PDE9A: variants seen among roughly 807,000 people sequenced by gnomAD.
The protein encoded by PDE9A is phosphodiesterase 9A.
PDE9A carries 60 observed loss-of-function variants against 87.4 expected under a neutral mutation model. The ratio of observed to expected loss-of-function variants is 0.69; its 90% CI spans 0.56 to 0.85. The LOEUF is 0.85. Ranked by LOEUF, PDE9A falls within the 40% of genes least tolerant of loss-of-function variation. The pLI, the probability that PDE9A is intolerant of heterozygous loss-of-function variation, is 0.00. For missense variants in PDE9A, 665 were observed against 779.0 expected (o/e 0.85, Z 1.74); for synonymous variants, 272 against 279.4 (o/e 0.97, Z 0.27).
chr21:42,658,189 G>T (rs1179144526), intron 1 of PDE9A, among the ~76,000 whole-genome samples: 2 of 152,166 alleles, frequency 1.3e-5, no homozygotes, highest in Non-Finnish European at 2.9e-5. Flanking sequence ...CCTGGTCCTG[G>T]CACCCAAGGC....
chr21:42,770,725 T>C lies in PDE9A; in HGVS notation c.1613T>C (p.Ile538Thr). 6.2e-7 allele frequency: 1 copy of C among 1,613,912 alleles called. No homozygotes were observed. Residue 538 changes from isoleucine (I) to threonine (T), a missense_variant, in exon 18 of 20, where the codon ATC (isoleucine) becomes ACC (threonine). By Grantham distance (89) the Ile-to-Thr change is moderately conservative. Coordinates refer to ENST00000291539, the MANE Select transcript of PDE9A (RefSeq NM_002606.3). ...CAGCTCTTCCCCATGGTTGAGGAGA[T>C]CATGCTGCAGCCACTTTGGGAATCC... ...VTKLFPMVEE[I>T]MLQPLWESRD...
chr21:42,759,035 G>A lies in PDE9A; in HGVS notation c.847G>A (p.Gly283Arg), dbSNP rs143538403. Residue 283 changes from glycine (G) to arginine (R), a missense_variant, in exon 11 of 20, where the codon GGG becomes AGG. Coordinates refer to ENST00000291539, the MANE Select transcript of PDE9A (RefSeq NM_002606.3). This position sits in a 1 kb window ranked among gnomAD's most constrained non-coding sequence, Gnocchi z 7.2. ...CCTGGAGCACATGTACCACGACCTC[G>A]GGCTGGTCAGGGACTTCAGCATCAA... is the stretch of plus-strand genomic sequence containing the variant. ...SCLEHMYHDL[G>R]LVRDFSINPV... The A allele has an allele frequency of 8.7e-6, 14 of 1,613,948 alleles. No homozygotes were observed. The highest frequency in any genetic ancestry group is 1.3e-5 in the African/African-American group (1 of 74,920).
At chr21:42,737,977 TG>T (rs746591163) in intron 7 of PDE9A, among the ~76,000 whole-genome samples, 22 of 152,374 alleles carry the variant, frequency 1.4e-4, no homozygotes, top group Non-Finnish European at 2.9e-4. Flanking sequence ...TCGAGAGATC[TG>T]GGATTTCCCT....
intron 7 of PDE9A, among the ~76,000 whole-genome samples, chr21:42,741,928 G>C (rs561757287): frequency 3.3e-5 from 5 of 152,284 alleles, no homozygotes; most frequent in African/African-American, 1.2e-4. Context: ...GAGTGGTATC[G>C]TGGGAGTATC....
At chr21:42,751,744 C>CTTTT (rs33940532) in intron 9 of PDE9A, among the ~76,000 whole-genome samples, 47 of 122,388 alleles carry the variant, frequency 3.8e-4, no homozygotes, top group African/African-American at 9.4e-4. Flanking sequence ...GGCCCACCTG[C>CTTTT]TTTTTTTTTT....
In PDE9A at chr21:42,773,081, G is replaced by A. The variant is rs372351970; in HGVS notation, c.1768+561G>A. Among the ~76,000 whole-genome samples, 750 of 150,590 alleles carry A rather than the reference G, an allele frequency of 5.0e-3. 4 individuals are homozygous for A. Among genetic ancestry groups the A allele is most frequent in the African/African-American group, 0.017 (710 of 41,178 alleles). The stretch of plus-strand genomic sequence containing the variant: ...TTCAAGACCCAGCTTGGCCAACATG[G>A]TGAAACCCTGTCTCTACTAAAAATA... On this transcript the variant is annotated intron_variant, in intron 19 of 19. Transcript: ENST00000291539.
rs764481376 is a variant in PDE9A at position 42,722,450 on chromosome 21, G to A, written c.263-9320G>A. ...CCCAGTGATGCCGTGCAATGGCTAC[G>A]ATCAAGGGCAATAGAATGGATCGTG... is the stretch of plus-strand genomic sequence containing the variant. On this transcript the variant is annotated intron_variant, in intron 4 of 19. Coordinates refer to ENST00000291539, the MANE Select transcript of PDE9A (RefSeq NM_002606.3). This position sits in a 1 kb window ranked among gnomAD's most constrained non-coding sequence, Gnocchi z 4.1. 2.0e-5 allele frequency among the ~76,000 whole-genome samples: 3 copies of A among 152,144 alleles called. No individual in the cohort carries two copies. The highest frequency in any genetic ancestry group is 4.8e-5 in the African/African-American group (2 of 41,418).
rs993137729 is a variant in PDE9A, at chr21:42,748,228, C to T, written c.654-2888C>T. Reference sequence around the variant, plus strand: ...TCATGCCATCTATTTTTTTTAACTACGCAGAAAACGTTCGTTACTTCTCAG... The same window carrying T: ...TCATGCCATCTATTTTTTTTAACTATGCAGAAAACGTTCGTTACTTCTCAG... On this transcript the variant is annotated intron_variant, in intron 8 of 19. Coordinates refer to ENST00000291539, the MANE Select transcript of PDE9A (RefSeq NM_002606.3). Among the ~76,000 whole-genome samples, 3 of 152,102 alleles carry T rather than the reference C, an allele frequency of 2.0e-5. 1 individual carries two copies. The highest frequency in any genetic ancestry group is 1.9e-4 in the East Asian group (1 of 5,196).
At chr21:42,670,036 C>T (rs945925356) in intron 1 of PDE9A, among the ~76,000 whole-genome samples, 1 of 152,058 alleles carries the variant, frequency 6.6e-6, no homozygotes, top group African/African-American at 2.4e-5. Context: ...CACCATGTTT[C>T]ACCTTCACAC....
At position 42,672,272 on chromosome 21, in the gene PDE9A, T is replaced by C. The variant is rs527915845; in HGVS notation, c.70-13920T>C. On this transcript the variant is annotated intron_variant, in intron 1 of 19. Coordinates refer to ENST00000291539, the MANE Select transcript of PDE9A (RefSeq NM_002606.3). ...TAGGTGCAGCACGCACCCCTGGAGC[T>C]GAGGGCCTGGAGCAGGGCCAGGCCG... Among the ~76,000 whole-genome samples, 6 of 152,334 alleles carry C rather than the reference T, an allele frequency of 3.9e-5. No individual in the cohort carries two copies. In the South Asian group the frequency reaches 1.2e-3, roughly 32 times the overall value.
rs948774931 is a variant in PDE9A, at chr21:42,702,135, C to T, written c.262+3124C>T. Among the ~76,000 whole-genome samples the T allele has an allele frequency of 3.9e-5, 6 of 152,154 alleles. No homozygotes were observed. The highest frequency in any genetic ancestry group is 9.7e-5 in the African/African-American group (4 of 41,440). ...CAGCCTGAGAGCGTCCCCTGACTCA[C>T]TCACACTGTTTCTTTCTTTCCAGAC... On this transcript the variant is annotated intron_variant, in intron 4 of 19. Transcript: ENST00000291539. The surrounding 1 kb of genome is among the most constrained non-coding windows in gnomAD (Gnocchi z 4.9).
intron 1 of PDE9A, among the ~76,000 whole-genome samples, chr21:42,669,890 G>A (rs1248729876): frequency 6.6e-5 from 10 of 152,172 alleles, no homozygotes; most frequent in Admixed American, 4.6e-4. Flanking sequence ...TGCACACACA[G>A]CCCAGTGTGA....
intron 4 of PDE9A, among the ~76,000 whole-genome samples, chr21:42,718,469 C>CT (rs1205333417): frequency 1.3e-5 from 2 of 151,686 alleles, no homozygotes; most frequent in East Asian, 1.9e-4. Flanking sequence ...TTTTTATAAT[C>CT]TTTTTTTTCT....
intron 3 of PDE9A, among the ~76,000 whole-genome samples, chr21:42,693,082 C>G (rs1219138666): frequency 6.6e-6 from 1 of 152,236 alleles, no homozygotes; most frequent in Non-Finnish European, 1.5e-5. Context: ...CCACCTGACA[C>G]GGTGACCCAC....
chr21:42,760,859 T>C lies in PDE9A; in HGVS notation c.1037T>C (p.Met346Thr). Residue 346 changes from methionine (M) to threonine (T), a missense_variant, in exon 13 of 20, where the codon ATG (methionine) becomes ACG (threonine). Physicochemically the swap from Met to Thr is moderately conservative, Grantham distance 81. Coordinates refer to ENST00000291539, the MANE Select transcript of PDE9A (RefSeq NM_002606.3). The surrounding 1 kb of genome is among the most constrained non-coding windows in gnomAD (Gnocchi z 5.2). ...TCACAAACGGATATCCTGATCCTAA[T>C]GACAGCGGCCATCTGCCACGATCTG... ...KFSQTDILIL[M>T]TAAICHDLDH... is the part of the protein sequence containing the mutation. 6.2e-7 allele frequency: 1 copy of C among 1,610,402 alleles called. No individual in the cohort carries two copies. The highest frequency in any genetic ancestry group is 1.3e-5 in the African/African-American group (1 of 74,932).
intron 8 of PDE9A, among the ~76,000 whole-genome samples, chr21:42,748,921 C>T (rs2054154703): frequency 6.6e-6 from 1 of 152,120 alleles, no homozygotes. Context: ...TCTTATTTTC[C>T]CTTTTCATGT....
rs1277168580 is a variant in PDE9A, at chr21:42,695,953, G to A, written c.219-3015G>A. Among the ~76,000 whole-genome samples the A allele has an allele frequency of 6.6e-6, 1 of 152,224 alleles. No individual in the cohort carries two copies. Among genetic ancestry groups the A allele is most frequent in the African/African-American group, 2.4e-5 (1 of 41,456 alleles). On this transcript the variant is annotated intron_variant, in intron 3 of 19. Coordinates refer to ENST00000291539, the MANE Select transcript of PDE9A (RefSeq NM_002606.3). The surrounding 1 kb of genome is among the most constrained non-coding windows in gnomAD (Gnocchi z 4.3). ...TGAGTGGCCCAGAAATGCAACCCAA[G>A]GATCTTGGGCCCAAGGGCCAGGAAG...
chr21:42,700,189 C>A (rs1029426274), intron 4 of PDE9A, among the ~76,000 whole-genome samples: 2 of 151,994 alleles, frequency 1.3e-5, no homozygotes, highest in Non-Finnish European at 2.9e-5. Context: ...AGAGACAGTT[C>A]ATGCTTTGTA....
chr21:42,769,632 A>ACC (rs2056808718), intron 17 of PDE9A, among the ~76,000 whole-genome samples: 1 of 45,050 alleles, frequency 2.2e-5, no homozygotes, highest in African/African-American at 1.7e-4. Flanking sequence ...ATGCACACAC[A>ACC]GGCACACACA....
Sources: gnomAD v4.1 joint callset for allele counts (sites outside exome capture counted in the v4.1 genomes callset) on GRCh38, gnomAD v4.1.1 for gene constraint, Gnocchi (gnomAD v3.1) non-coding constraint, MANE v1.5 for transcripts, NCBI Gene and HGNC (gene_info 2026-07-23, HGNC 2026-07-21) for gene names.